Variants in MACROD2 observed in about 807,000 individuals in gnomAD.
MACROD2 encodes ADP-ribose glycohydrolase MACROD2.
In MACROD2, 36 loss-of-function variants were observed where a neutral mutation model predicts 70.4. The observed-to-expected ratio is 0.51, with a 90% confidence interval of 0.39 to 0.68. The LOEUF (loss-of-function observed/expected upper bound fraction) is 0.68, where lower values mean the gene tolerates loss of function less well. Ranked by LOEUF, MACROD2 falls within the 30% of genes least tolerant of loss-of-function variation. The pLI is 0.00. For missense variants in MACROD2, 496 were observed against 538.4 expected (o/e 0.92, Z 0.78); for synonymous variants, 172 against 178.8 (o/e 0.96, Z 0.30).
intron 3 of MACROD2, among the ~76,000 whole-genome samples, chr20:14,309,480 C>A (rs1037130696): frequency 5.9e-5 from 9 of 152,086 alleles, no homozygotes; most frequent in African/African-American, 1.4e-4. Flanking sequence ...ATTCTTGGGG[C>A]AGTGGATAAC....
chr20:14,370,568 G>A (rs183652240), intron 3 of MACROD2, among the ~76,000 whole-genome samples: 1 of 152,284 alleles, frequency 6.6e-6, no homozygotes, highest in East Asian at 1.9e-4. Context: ...GGAGTTTTCT[G>A]AACCACTTAT....
At chr20:14,301,169 TACTC>T (rs1284513790) in intron 3 of MACROD2, among the ~76,000 whole-genome samples, 2 of 152,164 alleles carry the variant, frequency 1.3e-5, no homozygotes, top group Non-Finnish European at 2.9e-5. Context: ...ACTTAGGAGT[TACTC>T]AGGAAGGCTA....
chr20:14,563,002 A>G (rs1409959147), intron 4 of MACROD2, among the ~76,000 whole-genome samples: 1 of 151,806 alleles, frequency 6.6e-6, no homozygotes, highest in East Asian at 1.9e-4. Flanking sequence ...TTTACCTTCT[A>G]TCTCAGCATT....
chr20:14,447,977 TGTG>T (rs2084201627), intron 3 of MACROD2, among the ~76,000 whole-genome samples: 1 of 3,264 alleles, frequency 3.1e-4, no homozygotes, highest in Admixed American at 0.013. Context: ...CCCATGAAAA[TGTG>T]TGTGTGTGTG....
intron 6 of MACROD2, among the ~76,000 whole-genome samples, chr20:15,305,283 C>T (rs892233805): frequency 1.3e-5 from 2 of 151,832 alleles, no homozygotes; most frequent in Non-Finnish European, 2.9e-5. Context: ...CATGAAACAG[C>T]GCACCTATTG....
chr20:15,181,461 A>G (rs2076499978), intron 5 of MACROD2, among the ~76,000 whole-genome samples: 1 of 152,204 alleles, frequency 6.6e-6, no homozygotes, highest in Admixed American at 6.5e-5. Flanking sequence ...TGTCCAAAGT[A>G]CTCAACTGCC....
intron 15 of MACROD2, among the ~76,000 whole-genome samples, chr20:15,998,551 A>G (rs184368269): frequency 2.2e-5 from 3 of 136,684 alleles, no homozygotes; most frequent in Non-Finnish European, 4.7e-5. Flanking sequence ...AGTTTTATTT[A>G]TTTGAGTTCT....
At chr20:14,855,287 C>A (rs868328931) in intron 5 of MACROD2, among the ~76,000 whole-genome samples, 4 of 152,272 alleles carry the variant, frequency 2.6e-5, no homozygotes, top group Admixed American at 6.5e-5. Flanking sequence ...TACTTTGGAA[C>A]TGGCTGTCTT....
chr20:15,845,135 TG>T (rs1297804980), intron 8 of MACROD2, among the ~76,000 whole-genome samples: 1 of 151,732 alleles, frequency 6.6e-6, no homozygotes, highest in Non-Finnish European at 1.5e-5. Flanking sequence ...AATCTCAGAA[TG>T]TGACCCTGTT....
In MACROD2 at chr20:15,148,891, A is replaced by G. The variant is rs184364729; in HGVS notation, c.419-81049A>G. ...AAGGGATGTAAAGGTTTCACTGAAT[A>G]CTAAGAGCCTGAAAAACTGCGTGGC... is the stretch of plus-strand genomic sequence containing the variant. On this transcript the variant is annotated intron_variant, in intron 5 of 17. Coordinates refer to ENST00000684519, the MANE Select transcript of MACROD2 (RefSeq NM_001351661.2). Among the ~76,000 whole-genome samples the G allele has an allele frequency of 1.3e-4, 20 of 152,138 alleles. 1 individual carries two copies. Among genetic ancestry groups the G allele is most frequent in the African/African-American group, 4.8e-4 (20 of 41,416 alleles).
chr20:14,036,337 T>C (rs993857018), intron 2 of MACROD2, among the ~76,000 whole-genome samples: 1 of 152,226 alleles, frequency 6.6e-6, no homozygotes, highest in Admixed American at 6.5e-5. Context: ...ACATTTTTGC[T>C]TAGTGTACTT....
chr20:15,016,230 A>T (rs1398272051), intron 5 of MACROD2, among the ~76,000 whole-genome samples: 1 of 152,220 alleles, frequency 6.6e-6, no homozygotes, highest in East Asian at 1.9e-4. Flanking sequence ...CAGTCATGAA[A>T]AGAAATGATG....
At chr20:14,358,603 C>CCCA (rs1472104588) in intron 3 of MACROD2, among the ~76,000 whole-genome samples, 1 of 152,030 alleles carries the variant, frequency 6.6e-6, no homozygotes, top group Non-Finnish European at 1.5e-5. Flanking sequence ...ACTACAGGTG[C>CCCA]CCACCACCAC....
chr20:14,482,378 G>T (rs1179101277), intron 3 of MACROD2, among the ~76,000 whole-genome samples: 2 of 151,946 alleles, frequency 1.3e-5, no homozygotes, highest in Non-Finnish European at 2.9e-5. Context: ...TTAAAAAAGA[G>T]AAATACAGAA....
intron 5 of MACROD2, among the ~76,000 whole-genome samples, chr20:15,050,253 T>C (rs911549407): frequency 8.5e-5 from 13 of 152,156 alleles, no homozygotes; most frequent in African/African-American, 3.1e-4. Context: ...GTTAATATGG[T>C]TGTAATTTGA....
chr20:15,458,352 A>G (rs1043347085), intron 7 of MACROD2, among the ~76,000 whole-genome samples: 5 of 152,126 alleles, frequency 3.3e-5, no homozygotes, highest in South Asian at 2.1e-4. Flanking sequence ...CCTCATTTTT[A>G]TGGTCAAACT....
In MACROD2 at chr20:15,468,305, A is replaced by AT. The variant is rs139595309; in HGVS notation, c.572-31469_572-31468insT. Among the ~76,000 whole-genome samples, 234 of 152,138 alleles carry AT rather than the reference A, an allele frequency of 1.5e-3. 3 individuals are homozygous for AT. Among genetic ancestry groups the AT allele is most frequent in the Middle Eastern group, 3.4e-3 (1 of 294 alleles). ...TACTTCTATTCAATTAAAAAAAAAAAGAAAGAGAAAGAAGCTATTGATTTC... is the reference window on the plus strand; with the variant it reads ...TACTTCTATTCAATTAAAAAAAAAAATGAAAGAGAAAGAAGCTATTGATTTC... On this transcript the variant is annotated intron_variant, in intron 7 of 17. Transcript: ENST00000684519.
chr20:14,069,558 T>C (rs1228459289), intron 2 of MACROD2, among the ~76,000 whole-genome samples: 1 of 151,098 alleles, frequency 6.6e-6, no homozygotes, highest in Non-Finnish European at 1.5e-5. Flanking sequence ...AAGTCAAAAA[T>C]AGTTACTGAA....
At chr20:14,401,795 T>G (rs1250441105) in intron 3 of MACROD2, among the ~76,000 whole-genome samples, 3 of 152,170 alleles carry the variant, frequency 2.0e-5, no homozygotes, top group Non-Finnish European at 4.4e-5. Flanking sequence ...TAGTTTCATC[T>G]TTGTTGTAAT....
Sources: gnomAD v4.1 joint callset for allele counts (sites outside exome capture counted in the v4.1 genomes callset) on GRCh38, gnomAD v4.1.1 for gene constraint, MANE v1.5 for transcripts, NCBI Gene and HGNC (gene_info 2026-07-23, HGNC 2026-07-21) for gene names.